TRPC5: variants seen among roughly 807,000 people sequenced by gnomAD.
TRPC5 encodes the protein transient receptor potential cation channel subfamily C member 5, also known as short transient receptor potential channel 5.
A neutral mutation model predicts 56.5 loss-of-function variants in TRPC5; 9 were observed. The ratio of observed to expected loss-of-function variants is 0.16; its 90% CI spans 0.10 to 0.28. TRPC5 has a LOEUF of 0.28. TRPC5 is among the 10% of genes least tolerant of loss of function. The pLI, the probability that TRPC5 is intolerant of heterozygous loss-of-function variation, is 1.00. For synonymous variants in TRPC5, 282 were observed against 278.5 expected (o/e 1.01, Z -0.13); for missense variants, 469 against 748.9 (o/e 0.63, Z 4.36).
rs764629984 is a variant in TRPC5 at position 111,776,495 on chromosome X, G to C, written c.2740C>G (p.Gln914Glu). ...VELGEVQGAA[Q>E]SSECPLACSS... ...CAGGCTAGAGGGCATTCACTGCTCT[G>C]AGCAGCGCCCTGGACTTCACCTAAT... Residue 914 changes from glutamine to glutamate, a missense_variant, in exon 11 of 11, where the codon CAG (glutamine) becomes GAG (glutamate). Coordinates refer to ENST00000262839, the MANE Select transcript of TRPC5 (RefSeq NM_012471.3). 7 of 1,210,814 alleles carry C rather than the reference G, an allele frequency of 5.8e-6. No individual in the cohort carries two copies. In the South Asian group the frequency reaches 7.0e-5, roughly 12 times the overall value.
intron 6 of TRPC5, among the ~76,000 whole-genome samples, chrX:111,836,627 A>T (rs940869282): frequency 9.0e-6 from 1 of 111,592 alleles, no homozygotes; most frequent in Non-Finnish European, 1.9e-5. Context: ...TCTTTGTAGC[A>T]CTTGAAGCTT....
At chrX:111,852,930 C>T (rs1923124816) in intron 4 of TRPC5, among the ~76,000 whole-genome samples, 1 of 109,099 alleles carries the variant, frequency 9.2e-6, no homozygotes, top group Non-Finnish European at 1.9e-5. Context: ...TAATTTATAA[C>T]TCATTTTTTT....
chrX:112,022,153 G>A (rs1188085833), intron 1 of TRPC5, among the ~76,000 whole-genome samples: 2 of 111,937 alleles, frequency 1.8e-5, no homozygotes, highest in Admixed American at 9.5e-5. Context: ...AATCTATGGA[G>A]GTAGGATATA....
intron 1 of TRPC5, among the ~76,000 whole-genome samples, chrX:111,984,907 A>T (rs774538483): frequency 8.9e-6 from 1 of 112,351 alleles, no homozygotes; most frequent in Admixed American, 9.4e-5. Flanking sequence ...ATATCAAGGG[A>T]TGTGTTAATT....
At chrX:111,901,861 G>A in intron 3 of TRPC5, 1 of 1,136,339 alleles carries the variant, frequency 8.8e-7, no homozygotes. Context: ...TGGATTCTGT[G>A]TTAATTCATG....
Position 111,852,367 on chromosome X carries a change from G to A in TRPC5, c.1308C>T (p.Asn436=), listed in dbSNP as rs759848043. Residue 436 remains asparagine, a synonymous_variant, in exon 5 of 11, where the codon AAC becomes AAT. Coordinates refer to ENST00000262839, the MANE Select transcript of TRPC5 (RefSeq NM_012471.3). ...GGGAGTTCATTGCAAAATCCATCAG[G>A]TTCCACCAGTCATGGATGTATTCAG... ...GFTEYIHDWW[N]LMDFAMNSLY... 7 of 1,208,546 alleles carry A rather than the reference G, an allele frequency of 5.8e-6. No individual in the cohort carries two copies. In the South Asian group the frequency reaches 1.2e-4, roughly 21 times the overall value.
intron 10 of TRPC5, among the ~76,000 whole-genome samples, 173 bp from the exon 11 acceptor site, chrX:111,777,175 A>AGGGCT (rs1307623784): frequency 4.5e-5 from 5 of 111,787 alleles, no homozygotes; most frequent in Non-Finnish European, 7.5e-5. Flanking sequence ...TTCCATGGGC[A>AGGGCT]GGGCTGGGCT....
chrX:112,060,194 G>A (rs1930430178), intron 1 of TRPC5, among the ~76,000 whole-genome samples: 1 of 111,722 alleles, frequency 9.0e-6, no homozygotes, highest in African/African-American at 3.3e-5. Context: ...ACTACTCCCA[G>A]TTATCTCCTA....
At chrX:111,877,125 G>T (rs1450964444) in intron 3 of TRPC5, among the ~76,000 whole-genome samples, 1 of 111,844 alleles carries the variant, frequency 8.9e-6, no homozygotes, top group African/African-American at 3.2e-5. Context: ...GCTGGAGGCA[G>T]GTGGACTGAT....
chrX:111,896,389 T>G lies in TRPC5; in HGVS notation c.900+15902A>C, dbSNP rs1419158394. On this transcript the variant is annotated intron_variant, in intron 3 of 10. Transcript: ENST00000262839. The stretch of plus-strand genomic sequence containing the variant: ...TTTTTTTTGGTGGGGGCGGGTGTGG[T>G]TTTTTTTGTTGTTGCAGGAGCGTTC... The G allele has an allele frequency of 1.1e-4, 12 of 108,993 alleles. No individual in the cohort carries two copies. In the East Asian group the frequency reaches 3.5e-3, roughly 32 times the overall value. The allele number at this position is 108,993 out of a possible 1,213,427, so 9.0% of individuals were successfully genotyped here.
rs186248976 is a variant in TRPC5, at chrX:111,988,602, A to G, written c.-21-36161T>C. Among the ~76,000 whole-genome samples, 4 of 111,067 alleles carry G rather than the reference A, an allele frequency of 3.6e-5. No homozygotes were observed. In the Admixed American group the frequency reaches 3.8e-4, roughly 11 times the overall value. On this transcript the variant is annotated intron_variant, in intron 1 of 10. Coordinates refer to ENST00000262839, the MANE Select transcript of TRPC5 (RefSeq NM_012471.3). ...TTATACCCTAAGCATTCTTAGGAGT[A>G]TGGAGCATCTTATTCATTTTTATAT...
At chrX:112,050,667 C>G (rs191856475) in intron 1 of TRPC5, among the ~76,000 whole-genome samples, 3 of 112,320 alleles carry the variant, frequency 2.7e-5, no homozygotes, top group Non-Finnish European at 1.9e-5. Flanking sequence ...GGTCTCCCAC[C>G]TGCCAGTTTA....
At chrX:111,790,556 C>CATAA (rs963257125) in intron 7 of TRPC5, among the ~76,000 whole-genome samples, 5 of 111,306 alleles carry the variant, frequency 4.5e-5, no homozygotes, top group African/African-American at 1.3e-4. Context: ...CTATAAGTAT[C>CATAA]ATAAATAAAT....
chrX:111,957,642 C>A (rs765544482), intron 1 of TRPC5, among the ~76,000 whole-genome samples: 1 of 111,636 alleles, frequency 9.0e-6, no homozygotes, highest in Admixed American at 9.6e-5. Flanking sequence ...AAGGCAGATT[C>A]TTTTGTATGC....
At chrX:111,862,795 C>T (rs145211779) in intron 3 of TRPC5, among the ~76,000 whole-genome samples, 2,749 of 111,989 alleles carry the variant, frequency 0.025, 32 homozygotes, top group Non-Finnish European at 0.04. Context: ...AATATGAAGT[C>T]TCTAGTCCAC....
chrX:112,030,611 G>T (rs141398832), intron 1 of TRPC5, among the ~76,000 whole-genome samples: 207 of 112,229 alleles, frequency 1.8e-3, no homozygotes, highest in African/African-American at 6.2e-3. Flanking sequence ...TTGTCCATCA[G>T]CCTTGTCTTT....
chrX:111,899,822 G>A (rs1304997968), intron 3 of TRPC5, among the ~76,000 whole-genome samples: 2 of 111,230 alleles, frequency 1.8e-5, no homozygotes, highest in African/African-American at 6.5e-5. Flanking sequence ...TACATGAGAC[G>A]TTTTTCTCTT....
chrX:111,835,670 C>T (rs1034438175), intron 6 of TRPC5, among the ~76,000 whole-genome samples: 1 of 111,526 alleles, frequency 9.0e-6, no homozygotes, highest in Non-Finnish European at 1.9e-5. Context: ...CGCCTGTAGT[C>T]CCAGCTACTC....
intron 3 of TRPC5, among the ~76,000 whole-genome samples, chrX:111,906,463 AG>A (rs1246945450): frequency 8.9e-6 from 1 of 112,014 alleles, no homozygotes; most frequent in East Asian, 2.8e-4. Context: ...TGGTCATTCT[AG>A]TAACCTTATT....
Sources: allele counts gnomAD v4.1 joint callset (sites outside exome capture counted in the v4.1 genomes callset), GRCh38; gene constraint gnomAD v4.1.1; transcripts MANE v1.5; gene names NCBI Gene and HGNC (gene_info 2026-07-23, HGNC 2026-07-21).